The following JAM3 variants were observed in gnomAD, a reference collection of about 807,000 sequenced individuals.
The protein encoded by JAM3 is junctional adhesion molecule C.
Under a neutral mutation model 39.4 loss-of-function variants are expected in JAM3, and 31 were observed. That is an observed-to-expected ratio of 0.79 (90% CI 0.59 to 1.06). The LOEUF is 1.06. Ranked by LOEUF, JAM3 falls within the 50% of genes least tolerant of loss-of-function variation. The probability of loss-of-function intolerance (pLI) is 0.00; values close to 1 mark genes in which losing one functional copy is unlikely to be tolerated. For synonymous variants in JAM3, 182 were observed against 148.7 expected (o/e 1.22, Z -1.63); for missense variants, 455 against 391.4 (o/e 1.16, Z -1.37).
At chr11:134,109,283 A>T (rs1302576968) in intron 1 of JAM3, among the ~76,000 whole-genome samples, 1 of 152,176 alleles carries the variant, frequency 6.6e-6, no homozygotes, top group Non-Finnish European at 1.5e-5. Flanking sequence ...CTTCTATTCA[A>T]CACTGTATTG....
rs776597771 is a variant in JAM3, at chr11:134,149,721, T to G, written c.*540T>G. On this transcript the variant is annotated 3_prime_UTR_variant, in exon 9 of 9. Transcript: ENST00000299106. ...TGCTGATCGGTGTTGCAGTGTCCAT[T>G]GTGGAGAAGCTTTTTGGATCAGCAT... is the stretch of plus-strand genomic sequence containing the variant. The G allele has an allele frequency of 1.4e-4, 62 of 450,146 alleles. No individual in the cohort carries two copies. The highest frequency in any genetic ancestry group is 2.1e-4 in the Non-Finnish European group (48 of 224,948). 27.9% of individuals were successfully genotyped at this position (450,146 alleles called of 1,614,324 possible).
At chr11:134,092,599 G>T (rs1346930523) in intron 1 of JAM3, among the ~76,000 whole-genome samples, 1 of 146,098 alleles carries the variant, frequency 6.8e-6, no homozygotes, top group Non-Finnish European at 1.5e-5. Flanking sequence ...AGCTTCTCCT[G>T]AACCCTCCTT....
At chr11:134,129,894 C>G (rs1053622753) in intron 1 of JAM3, among the ~76,000 whole-genome samples, 8 of 151,946 alleles carry the variant, frequency 5.3e-5, no homozygotes, top group Admixed American at 4.6e-4. Flanking sequence ...CCCAGCTACT[C>G]GGGAGGCTGA....
At chr11:134,089,539 ATGAG>A (rs1453869418) in intron 1 of JAM3, among the ~76,000 whole-genome samples, 1 of 151,840 alleles carries the variant, frequency 6.6e-6, no homozygotes, top group Admixed American at 6.6e-5. Context: ...ATTCCCACCT[ATGAG>A]TGAGAACATG....
chr11:134,110,349 T>G (rs1942285861), intron 1 of JAM3, among the ~76,000 whole-genome samples: 1 of 152,230 alleles, frequency 6.6e-6, no homozygotes, highest in African/African-American at 2.4e-5. Flanking sequence ...TACAAAGATT[T>G]GTACACAAAT....
intron 1 of JAM3, among the ~76,000 whole-genome samples, chr11:134,119,022 G>A (rs1324302753): frequency 1.4e-5 from 2 of 146,180 alleles, no homozygotes; most frequent in Non-Finnish European, 3.0e-5. Flanking sequence ...AGGCTGGAAT[G>A]CAGTGGCATG....
At chr11:134,133,669 C>G (rs953957979) in intron 1 of JAM3, among the ~76,000 whole-genome samples, 1 of 152,142 alleles carries the variant, frequency 6.6e-6, no homozygotes, top group Non-Finnish European at 1.5e-5. Context: ...TCTTTCCACC[C>G]AAGGGGAGTG....
chr11:134,077,424 C>T (rs1205398456), intron 1 of JAM3, among the ~76,000 whole-genome samples: 5 of 147,116 alleles, frequency 3.4e-5, no homozygotes, highest in Admixed American at 1.4e-4. Flanking sequence ...AGTGCAATGG[C>T]GTGATCTCGG....
Position 134,069,150 on chromosome 11 carries a change from C to T in JAM3, c.67C>T (p.Leu23Phe), listed in dbSNP as rs1262974858. The change falls in exon 1 of 9, where the codon CTT becomes TTT. Residue 23 changes from leucine to phenylalanine, a missense_variant. Coordinates refer to ENST00000299106, the MANE Select transcript of JAM3 (RefSeq NM_032801.5). ...ARLPDFFLLL[L>F]FRGCLIGAVN... ...GCTGCCTGACTTCTTCCTGCTGCTG[C>T]TTTTCAGGGGTGAGTTTGCGCGTTT... 1.4e-5 allele frequency: 22 copies of T among 1,612,934 alleles called. No individual in the cohort carries two copies. Among genetic ancestry groups the T allele is most frequent in the Non-Finnish European group, 1.9e-5 (22 of 1,179,402 alleles).
intron 1 of JAM3, among the ~76,000 whole-genome samples, chr11:134,129,867 T>C (rs981896104): frequency 6.6e-5 from 10 of 152,190 alleles, no homozygotes; most frequent in Admixed American, 5.2e-4. Flanking sequence ...CCGGGCGTGG[T>C]GGCAGGCGCC....
At chr11:134,083,623 A>C (rs1941701368) in intron 1 of JAM3, among the ~76,000 whole-genome samples, 1 of 152,116 alleles carries the variant, frequency 6.6e-6, no homozygotes, top group Non-Finnish European at 1.5e-5. Context: ...TTTGGTTGTC[A>C]TTATTCTAAT....
intron 1 of JAM3, among the ~76,000 whole-genome samples, chr11:134,104,732 T>C (rs1419721892): frequency 3.3e-5 from 5 of 152,086 alleles, no homozygotes; most frequent in Non-Finnish European, 5.9e-5. Flanking sequence ...AACACCTCTA[T>C]GCAAATAAAC....
At chr11:134,087,799 A>G (rs1018879957) in intron 1 of JAM3, among the ~76,000 whole-genome samples, 1 of 152,208 alleles carries the variant, frequency 6.6e-6, no homozygotes, top group Non-Finnish European at 1.5e-5. Context: ...TCGCATGGAC[A>G]TATAGGTTCT....
At chr11:134,144,024 G>A (rs1943023500) in intron 3 of JAM3, among the ~76,000 whole-genome samples, 1 of 152,132 alleles carries the variant, frequency 6.6e-6, no homozygotes, top group Non-Finnish European at 1.5e-5. Context: ...AGTGTGTCTT[G>A]CACACCAGGA....
At chr11:134,123,183 ATATC>A (rs1942569111) in intron 1 of JAM3, among the ~76,000 whole-genome samples, 1 of 152,096 alleles carries the variant, frequency 6.6e-6, no homozygotes, top group Admixed American at 6.5e-5. Context: ...ATCATATAAT[ATATC>A]TATATGTCAC....
At chr11:134,116,939 C>T (rs1490822097) in intron 1 of JAM3, among the ~76,000 whole-genome samples, 2 of 152,074 alleles carry the variant, frequency 1.3e-5, no homozygotes, top group Non-Finnish European at 2.9e-5. Flanking sequence ...ACTTGGCTGT[C>T]ATTACCTACA....
At chr11:134,142,598 A>C (rs1044191399) in intron 3 of JAM3, among the ~76,000 whole-genome samples, 8 of 151,922 alleles carry the variant, frequency 5.3e-5, no homozygotes, top group African/African-American at 1.9e-4. Flanking sequence ...TGAAAGTGTT[A>C]TTATGTCTTA....
intron 1 of JAM3, among the ~76,000 whole-genome samples, chr11:134,106,602 G>A (rs932848082): frequency 3.6e-4 from 55 of 152,262 alleles, no homozygotes; most frequent in Non-Finnish European, 5.9e-5. Flanking sequence ...ATCTGACAAA[G>A]GGCTAATATC....
chr11:134,111,991 C>A (rs1942320724), intron 1 of JAM3, among the ~76,000 whole-genome samples: 1 of 152,214 alleles, frequency 6.6e-6, no homozygotes, highest in African/African-American at 2.4e-5. Flanking sequence ...TTTTTAAAAT[C>A]AAGGAAGACA....
Sources: gnomAD v4.1 joint callset for allele counts (sites outside exome capture counted in the v4.1 genomes callset) on GRCh38, gnomAD v4.1.1 for gene constraint, MANE v1.5 for transcripts, NCBI Gene and HGNC (gene_info 2026-07-23, HGNC 2026-07-21) for gene names.